The following CNTN3 variants were observed in gnomAD, a reference collection of about 807,000 sequenced individuals.
CNTN3 encodes contactin-3.
A neutral mutation model predicts 119.1 loss-of-function variants in CNTN3; 60 were observed. The observed-to-expected ratio is 0.50, with a 90% CI of 0.41 to 0.62. CNTN3 has a LOEUF of 0.62. CNTN3 is among the 20% of genes least tolerant of loss of function. CNTN3 has a pLI of 0.00. For missense variants in CNTN3, 1,101 were observed against 1,242.4 expected (o/e 0.89, Z 1.71); for synonymous variants, 450 against 438.7 (o/e 1.03, Z -0.32).
At chr3:74,308,296 A>ATT (rs1702605337) in intron 13 of CNTN3, among the ~76,000 whole-genome samples, 1 of 152,184 alleles carries the variant, frequency 6.6e-6, no homozygotes, top group African/African-American at 2.4e-5. Context: ...AACAGTTTTA[A>ATT]TTTTTCTGAC....
chr3:74,313,692 G>A (rs1395410717), intron 13 of CNTN3, among the ~76,000 whole-genome samples: 2 of 152,106 alleles, frequency 1.3e-5, no homozygotes, highest in Non-Finnish European at 2.9e-5. Context: ...AAGAATGATG[G>A]CTTAGTAAAA....
chr3:74,572,694 C>G (rs1704353889), intron 1 of CNTN3, among the ~76,000 whole-genome samples: 1 of 152,194 alleles, frequency 6.6e-6, no homozygotes, highest in South Asian at 2.1e-4. Flanking sequence ...TATTAAATAA[C>G]ATATTAATTA....
At chr3:74,267,731 T>G (rs1390594295) in intron 20 of CNTN3, among the ~76,000 whole-genome samples, 1 of 152,126 alleles carries the variant, frequency 6.6e-6, no homozygotes, top group Non-Finnish European at 1.5e-5. Context: ...TCACACTTAC[T>G]GTGTCTCGTT....
chr3:74,562,173 A>G (rs1271283499), intron 1 of CNTN3, among the ~76,000 whole-genome samples: 2 of 152,170 alleles, frequency 1.3e-5, no homozygotes, highest in Non-Finnish European at 2.9e-5. Context: ...AAGGATTGAC[A>G]AAACAAAGTG....
rs1406210473 is a variant in CNTN3, at chr3:74,263,116, C to A, written c.*1285G>T. The stretch of plus-strand genomic sequence containing the variant: ...AAATTGGTAGGAAAGAGGTAAAAAA[C>A]TGATTTTGCAATGTTGAAAACTCAA... On this transcript the variant is annotated 3_prime_UTR_variant, in exon 23 of 23. Coordinates refer to ENST00000263665, the MANE Select transcript of CNTN3 (RefSeq NM_020872.3). 6.6e-6 allele frequency: 1 copy of A among 152,120 alleles called. No homozygotes were observed. The highest frequency in any genetic ancestry group is 1.5e-5 in the Non-Finnish European group (1 of 67,980). The allele number at this position is 152,120 out of a possible 1,614,324, so 9.4% of individuals were successfully genotyped here. A position where few individuals can be genotyped will look rare whatever the true frequency, so the allele number is the denominator to read the frequency against.
At chr3:74,458,474 G>A (rs1423344524) in intron 4 of CNTN3, among the ~76,000 whole-genome samples, 1 of 151,982 alleles carries the variant, frequency 6.6e-6, no homozygotes, top group East Asian at 1.9e-4. Context: ...CAGTGCCCAT[G>A]AGTATAGTTT....
chr3:74,558,924 A>G (rs1289833307), intron 1 of CNTN3, among the ~76,000 whole-genome samples: 1 of 151,700 alleles, frequency 6.6e-6, no homozygotes, highest in Non-Finnish European at 1.5e-5. Context: ...TGGAGGTTGC[A>G]GTGAGCTGAG....
In CNTN3 at chr3:74,607,085, A is replaced by G. The variant is rs546288601; in HGVS notation, c.-81+7306T>C. On this transcript the variant is annotated intron_variant, in intron 1 of 22. Transcript: ENST00000263665. ...TTTATTTAAAATAAATAGAAGCCCTAGTAAGAAGAGAAAAATTAACCTGCC... is the reference window on the plus strand; with the variant it reads ...TTTATTTAAAATAAATAGAAGCCCTGGTAAGAAGAGAAAAATTAACCTGCC... 2.0e-5 allele frequency among the ~76,000 whole-genome samples: 3 copies of G among 152,276 alleles called. No individual in the cohort carries two copies. In the South Asian group the frequency reaches 6.2e-4, roughly 32 times the overall value.
intron 1 of CNTN3, among the ~76,000 whole-genome samples, chr3:74,534,417 T>C (rs188730940): frequency 2.0e-5 from 3 of 152,226 alleles, no homozygotes; most frequent in Admixed American, 6.5e-5. Context: ...GTAAAAATCT[T>C]ATCTGTACCA....
chr3:74,308,959 T>A (rs2106832709), intron 13 of CNTN3, among the ~76,000 whole-genome samples: 1 of 152,286 alleles, frequency 6.6e-6, no homozygotes, highest in African/African-American at 2.4e-5. Context: ...CTGTCCAAAA[T>A]AATTTAAATG....
intron 2 of CNTN3, among the ~76,000 whole-genome samples, chr3:74,503,519 G>A (rs1401371760): frequency 1.3e-5 from 2 of 152,084 alleles, no homozygotes; most frequent in Non-Finnish European, 2.9e-5. Context: ...AGAGATGCTG[G>A]GTTTCATGTT....
intron 13 of CNTN3, among the ~76,000 whole-genome samples, chr3:74,328,592 G>C (rs999878038): frequency 6.6e-6 from 1 of 152,086 alleles, no homozygotes; most frequent in Non-Finnish European, 1.5e-5. Flanking sequence ...ACTGGGGATG[G>C]CTTTGGACTA....
At chr3:74,530,473 A>C (rs933717502) in intron 1 of CNTN3, among the ~76,000 whole-genome samples, 2 of 151,848 alleles carry the variant, frequency 1.3e-5, no homozygotes, top group East Asian at 3.9e-4. Flanking sequence ...TTTAAGTTGC[A>C]CTTTAAGGTT....
chr3:74,499,129 A>T (rs1703116603), intron 3 of CNTN3, among the ~76,000 whole-genome samples: 1 of 151,608 alleles, frequency 6.6e-6, no homozygotes, highest in Non-Finnish European at 1.5e-5. Context: ...AATTGTTTAT[A>T]TAATCTTAAA....
chr3:74,543,956 T>C lies in CNTN3; in HGVS notation c.-80-22764A>G, dbSNP rs189020468. Among the ~76,000 whole-genome samples, 578 of 152,338 alleles carry C rather than the reference T, an allele frequency of 3.8e-3. 6 individuals carry two copies. The highest frequency in any genetic ancestry group is 0.014 in the African/African-American group (562 of 41,576). ...CAAAGACTGCTAAAAGAACGTATTT[T>C]AAAAACCCACTTCTCAAAAATAGTT... is the stretch of plus-strand genomic sequence containing the variant. On this transcript the variant is annotated intron_variant, in intron 1 of 22. Coordinates refer to ENST00000263665, the MANE Select transcript of CNTN3 (RefSeq NM_020872.3).
At chr3:74,548,270 C>T (rs1014479135) in intron 1 of CNTN3, among the ~76,000 whole-genome samples, 1 of 152,106 alleles carries the variant, frequency 6.6e-6, no homozygotes, top group African/African-American at 2.4e-5. Context: ...GAATCTTTGA[C>T]AATTTCTTGA....
intron 4 of CNTN3, among the ~76,000 whole-genome samples, chr3:74,427,450 C>A (rs927508308): frequency 1.2e-4 from 18 of 152,272 alleles, no homozygotes; most frequent in Middle Eastern, 3.4e-3. Flanking sequence ...AGACTTTTCT[C>A]CTTTTTTGCA....
chr3:74,499,928 G>T, intron 2 of CNTN3, 143 bp from the exon 3 acceptor site: 1 of 719,576 alleles, frequency 1.4e-6, no homozygotes, highest in Non-Finnish European at 2.1e-6. Flanking sequence ...TGTAGACATT[G>T]TTTTGTTAAA....
chr3:74,564,445 A>G (rs1330677869), intron 1 of CNTN3, among the ~76,000 whole-genome samples: 1 of 151,938 alleles, frequency 6.6e-6, no homozygotes, highest in African/African-American at 2.4e-5. Context: ...TTTCAGCAAG[A>G]AAGTGGCCTC....
Sources: allele counts gnomAD v4.1 joint callset (sites outside exome capture counted in the v4.1 genomes callset), GRCh38; gene constraint gnomAD v4.1.1; transcripts MANE v1.5; gene names NCBI Gene and HGNC (gene_info 2026-07-23, HGNC 2026-07-21).